Variants in LRRC39 observed in about 807,000 individuals in gnomAD.
The protein encoded by LRRC39 is leucine-rich repeat-containing protein 39.
A neutral mutation model predicts 39.7 loss-of-function variants in LRRC39; 35 were observed. The observed-to-expected ratio is 0.88, with a 90% CI of 0.67 to 1.17. LRRC39 has a LOEUF of 1.17. LRRC39 is among the 50% of genes most tolerant of loss of function. The pLI, the probability that LRRC39 is intolerant of heterozygous loss-of-function variation, is 0.00. For missense variants in LRRC39, 357 were observed against 385.8 expected, an observed-to-expected ratio of 0.93 and a Z score of 0.62; for synonymous variants, 113 against 134.1, an observed-to-expected ratio of 0.84 and a Z score of 1.09.
At chr1:100,175,795 A>G (rs970884800) in intron 1 of LRRC39, among the ~76,000 whole-genome samples, 2 of 152,222 alleles carry the variant, frequency 1.3e-5, no homozygotes, top group African/African-American at 2.4e-5. Context: ...CCAAAAACAA[A>G]TGAAGTTGTG....
chr1:100,172,196 A>G (rs1464616251), intron 2 of LRRC39, among the ~76,000 whole-genome samples: 1 of 152,186 alleles, frequency 6.6e-6, no homozygotes, highest in African/African-American at 2.4e-5. Flanking sequence ...AATAACACTA[A>G]TCATAGAATG....
intron 3 of LRRC39, among the ~76,000 whole-genome samples, chr1:100,163,138 A>G (rs1446085431): frequency 2.0e-5 from 3 of 152,216 alleles, no homozygotes; most frequent in Non-Finnish European, 4.4e-5. Flanking sequence ...AAAATGTATA[A>G]TGTCAGCTAT....
At chr1:100,170,332 C>T (rs1406021246) in intron 2 of LRRC39, among the ~76,000 whole-genome samples, 1 of 152,166 alleles carries the variant, frequency 6.6e-6, no homozygotes, top group Non-Finnish European at 1.5e-5. Context: ...AGTATAGATA[C>T]ATGCCACAGT....
chr1:100,176,623 T>C (rs1243515461), intron 1 of LRRC39, among the ~76,000 whole-genome samples: 2 of 152,176 alleles, frequency 1.3e-5, no homozygotes, highest in African/African-American at 2.4e-5. Context: ...AGTCCATATA[T>C]AGAGCCAACA....
intron 2 of LRRC39, among the ~76,000 whole-genome samples, chr1:100,172,916 T>TGC (rs1659726143): frequency 6.8e-6 from 1 of 147,750 alleles, no homozygotes; most frequent in Non-Finnish European, 1.5e-5. Flanking sequence ...GCTGAGATCA[T>TGC]GCCACTGCAC....
At chr1:100,160,292 A>G (rs1037237543) in intron 4 of LRRC39, among the ~76,000 whole-genome samples, 174 bp downstream of exon 4, 1 of 152,224 alleles carries the variant, frequency 6.6e-6, no homozygotes, top group Admixed American at 6.5e-5. Context: ...CTTTTGCAAA[A>G]TAATTGTGAA....
intron 5 of LRRC39, 71 bp downstream of exon 5, chr1:100,159,187 CA>C: frequency 6.5e-6 from 9 of 1,380,554 alleles, no homozygotes; most frequent in South Asian, 5.2e-5. Context: ...TCCATGTATC[CA>C]AAAAAATCTT....
At chr1:100,161,852 G>T (rs12034019) in intron 3 of LRRC39, among the ~76,000 whole-genome samples, 15,571 of 152,064 alleles carry the variant, frequency 0.1, 1,537 homozygotes, top group African/African-American at 0.26. Flanking sequence ...TTGCCATGTT[G>T]CCCAGGCTGG....
rs954096807 is a variant in LRRC39, at chr1:100,149,045, T to A, written c.1005A>T (p.Gly335=). ...TTLPISINTD[G] ...TAGAAGGGCATCTTGAATTATATTA[T>A]CCATCCGTATTTATGGAGATTGGTA... is the stretch of plus-strand genomic sequence containing the variant. Residue 335 remains glycine (G), a synonymous_variant, in exon 10 of 10, where the codon GGA becomes GGT. Coordinates refer to ENST00000370137, the MANE Select transcript of LRRC39 (RefSeq NM_144620.4). 5 of 1,589,020 alleles carry A rather than the reference T, an allele frequency of 3.1e-6. No homozygotes were observed. The highest frequency in any genetic ancestry group is 4.3e-6 in the Non-Finnish European group (5 of 1,170,710).
rs1457703539 is a variant in LRRC39, at chr1:100,149,015, C to T, written c.*27G>A. ...CATTAGAGAATTCACCAAAGTAATCCTCTTTAGAAGGGCATCTTGAATTAT... is the reference window on the plus strand; with the variant it reads ...CATTAGAGAATTCACCAAAGTAATCTTCTTTAGAAGGGCATCTTGAATTAT... On this transcript the variant is annotated 3_prime_UTR_variant, in exon 10 of 10. Coordinates refer to ENST00000370137, the MANE Select transcript of LRRC39 (RefSeq NM_144620.4). 6.6e-7 allele frequency: 1 copy of T among 1,522,964 alleles called. No homozygotes were observed. Among genetic ancestry groups the T allele is most frequent in the East Asian group, 2.4e-5 (1 of 41,626 alleles). 94.3% of individuals were successfully genotyped at this position (1,522,964 alleles called of 1,614,324 possible).
intron 3 of LRRC39, among the ~76,000 whole-genome samples, chr1:100,163,331 G>T (rs1177021643): frequency 6.6e-6 from 1 of 152,054 alleles, no homozygotes; most frequent in Non-Finnish European, 1.5e-5. Context: ...CTAGACATTG[G>T]AGATACAAAA....
rs969001194 is a variant in LRRC39, at chr1:100,155,062, C to G, written c.801G>C (p.Met267Ile). The G allele has an allele frequency of 1.9e-5, 30 of 1,567,202 alleles. No homozygotes were observed. Among genetic ancestry groups the G allele is most frequent in the Middle Eastern group, 1.7e-4 (1 of 5,902 alleles). The part of the protein sequence containing the change: ...LQDIPVCMEE[M>I]ANLRFVNFRD... ...CTACAACTTTTTACCTCAGATTTGC[C>G]ATTTCTTCCATGCATACTGGAATAT... Residue 267 changes from methionine (M) to isoleucine (I), a missense_variant, in exon 8 of 10, where the codon ATG becomes ATC. Met to Ile is a conservative substitution (Grantham distance 10). Coordinates refer to ENST00000370137, the MANE Select transcript of LRRC39 (RefSeq NM_144620.4).
intron 3 of LRRC39, among the ~76,000 whole-genome samples, chr1:100,164,705 C>CT (rs529840858): frequency 1.5e-4 from 23 of 148,634 alleles, no homozygotes; most frequent in Middle Eastern, 3.4e-3. Context: ...TAATTTTTTT[C>CT]TTTTTTTTTT....
intron 7 of LRRC39, 127 bp from the exon 8 acceptor site, chr1:100,155,330 C>G: frequency 1.2e-6 from 1 of 813,826 alleles, no homozygotes; most frequent in South Asian, 2.6e-5. Context: ...AACTCCTGAG[C>G]TCAGGCTATT....
chr1:100,160,603 G>C, intron 3 of LRRC39, 32 bp from the exon 4 acceptor site: 1 of 1,523,964 alleles, frequency 6.6e-7, no homozygotes, highest in South Asian at 1.2e-5. Context: ...TTAGTTCATA[G>C]ACAATTACAT....
At position 100,168,401 on chromosome 1, in the gene LRRC39, T is replaced by A; in HGVS notation, c.113+3A>T. 6.3e-7 allele frequency: 1 copy of A among 1,589,562 alleles called. No homozygotes were observed. The highest frequency in any genetic ancestry group is 8.6e-7 in the Non-Finnish European group (1 of 1,163,814). ...TCAAAATAATAAATATGTTTTAGCA[T>A]ACTTGTGTTGAAATTCCTTCTCTCG... On this transcript the variant is annotated splice_donor_region_variant and intron_variant, in intron 3 of 9. Coordinates refer to ENST00000370137, the MANE Select transcript of LRRC39 (RefSeq NM_144620.4).
chr1:100,172,458 G>A (rs936281855), intron 2 of LRRC39, among the ~76,000 whole-genome samples: 14 of 152,144 alleles, frequency 9.2e-5, no homozygotes, highest in African/African-American at 2.7e-4. Context: ...AGGCCGAGGC[G>A]GGCAGATCAC....
chr1:100,171,826 C>A (rs1659631462), intron 2 of LRRC39, among the ~76,000 whole-genome samples: 1 of 151,864 alleles, frequency 6.6e-6, no homozygotes, highest in African/African-American at 2.4e-5. Flanking sequence ...TTCTAAATAA[C>A]CTGTAGTCAA....
chr1:100,167,759 G>C (rs1009320866), intron 3 of LRRC39, among the ~76,000 whole-genome samples: 14 of 148,634 alleles, frequency 9.4e-5, no homozygotes, highest in Non-Finnish European at 1.5e-4. Context: ...CTGGGCGACA[G>C]AGTGAGTCTC....
Sources: allele counts gnomAD v4.1 joint callset (sites outside exome capture counted in the v4.1 genomes callset), GRCh38; gene constraint gnomAD v4.1.1; transcripts MANE v1.5; gene names NCBI Gene and HGNC (gene_info 2026-07-23, HGNC 2026-07-21).